SLC4A1: variants seen among roughly 807,000 people sequenced by gnomAD.
SLC4A1 encodes band 3 anion transport protein.
SLC4A1 carries 29 observed loss-of-function variants against 93.1 expected under a neutral mutation model. The ratio of observed to expected loss-of-function variants is 0.31; its 90% CI spans 0.23 to 0.42. The LOEUF (loss-of-function observed/expected upper bound fraction) is 0.42. Ranked by LOEUF, SLC4A1 falls within the 20% of genes least tolerant of loss-of-function variation. The pLI is 1.00. For synonymous variants in SLC4A1, 469 were observed against 497.2 expected (o/e 0.94, Z 0.76); for missense variants, 965 against 1,190.1 (o/e 0.81, Z 2.78).
intron 17 of SLC4A1, 104 bp downstream of exon 17, chr17:44,253,014 G>C (rs1021552024): frequency 3.3e-6 from 4 of 1,213,758 alleles, no homozygotes; most frequent in Admixed American, 3.5e-5. Context: ...GTGCAGGATG[G>C]GGGAGGCTGG....
At chr17:44,257,600 T>C (rs746955547) in intron 12 of SLC4A1, 56 bp from the exon 13 acceptor site, 80 of 1,611,766 alleles carry the variant, frequency 5.0e-5, no homozygotes, top group Non-Finnish European at 6.5e-5. Flanking sequence ...CAAGGCACCA[T>C]GCATCAGGCA....
intron 6 of SLC4A1, 133 bp downstream of exon 6, chr17:44,260,271 C>G: frequency 8.7e-7 from 1 of 1,146,000 alleles, no homozygotes; most frequent in Non-Finnish European, 1.3e-6. Flanking sequence ...GAGATGGGAG[C>G]CATAGTGGAG....
Position 44,254,471 on chromosome 17 carries a change from GCCCAGC to G in SLC4A1, c.2057+19_2057+24del. ...AGGTCCCTGCCTCCCACCCTCCCAG[GCCCAGC>G]CCCCACCCTGTCTCTCACGTGGTGA... On this transcript the variant is annotated intron_variant, in intron 16 of 19. Coordinates refer to ENST00000262418, the MANE Select transcript of SLC4A1 (RefSeq NM_000342.4). The G allele has an allele frequency of 1.3e-6, 2 of 1,507,946 alleles. No homozygotes were observed. The highest frequency in any genetic ancestry group is 9.2e-7 in the Non-Finnish European group (1 of 1,091,174). 93.4% of individuals were successfully genotyped at this position (1,507,946 alleles called of 1,614,324 possible). A position where few individuals can be genotyped will look rare whatever the true frequency, so the allele number is the denominator to read the frequency against.
chr17:44,258,724 G>T lies in SLC4A1; in HGVS notation c.877-101C>A, dbSNP rs539174939. ...CCAGGAACCAGAACCCCCTCAGGCA[G>T]CAGCTCCCATTGCCAGGAACTGCTT... On this transcript the variant is annotated intron_variant, in intron 9 of 19. Transcript: ENST00000262418. The surrounding 1 kb of genome is among the most constrained non-coding windows in gnomAD (Gnocchi z 6.1). 2 of 1,150,094 alleles carry T rather than the reference G, an allele frequency of 1.7e-6. No homozygotes were observed. 71.2% of individuals were successfully genotyped at this position (1,150,094 alleles called of 1,614,324 possible).
chr17:44,267,100 G>A (rs1344290937), intron 1 of SLC4A1, among the ~76,000 whole-genome samples: 1 of 152,178 alleles, frequency 6.6e-6, no homozygotes, highest in Non-Finnish European at 1.5e-5. Flanking sequence ...CACCCAGCAG[G>A]TAGGTATCAG....
chr17:44,253,970 C>CGTT (rs2047365692), intron 16 of SLC4A1, among the ~76,000 whole-genome samples: 3 of 87,068 alleles, frequency 3.4e-5, no homozygotes, highest in South Asian at 8.0e-4. Flanking sequence ...TCACCTGGCG[C>CGTT]TTTTTTTTTT....
chr17:44,263,865 G>A (rs547411101), intron 1 of SLC4A1, among the ~76,000 whole-genome samples: 8 of 151,314 alleles, frequency 5.3e-5, no homozygotes, highest in Non-Finnish European at 1.2e-4. Context: ...GAACTCCTGG[G>A]CCCCAGGGAT....
chr17:44,254,036 G>A (rs567771972), intron 16 of SLC4A1, among the ~76,000 whole-genome samples: 100 of 142,200 alleles, frequency 7.0e-4, no homozygotes, highest in Non-Finnish European at 1.2e-3. Context: ...GTGCAATGGC[G>A]AGATCTCGGC....
intron 7 of SLC4A1, 100 bp from the exon 8 acceptor site, chr17:44,259,681 AC>A: frequency 3.3e-6 from 5 of 1,527,402 alleles, no homozygotes; most frequent in Non-Finnish European, 4.5e-6. Flanking sequence ...CTCTCCTGGC[AC>A]CCCCCGGGCA....
rs887633016 is a variant in SLC4A1 at position 44,253,261 on chromosome 17, C to A, written c.2168G>T (p.Trp723Leu). 1.2e-6 allele frequency: 2 copies of A among 1,614,018 alleles called. No homozygotes were observed. The highest frequency in any genetic ancestry group is 8.5e-7 in the Non-Finnish European group (1 of 1,180,024). The change falls in exon 17 of 20, where the codon TGG (tryptophan) becomes TTG (leucine). Residue 723 changes from tryptophan (W) to leucine (L), a missense_variant. This residue lies in a region of SLC4A1 where 770 missense variants were observed against 1,006.6 expected (regional missense o/e 0.76). Transcript: ENST00000262418. ...GGAACGCACGGTGGTGGCACTGAGC[C>A]AGGGCATCCCAAAGAGGGCGGCCAC... The part of the protein sequence containing the change: ...GGVAALFGMP[W>L]LSATTVRSVT...
intron 3 of SLC4A1, 122 bp downstream of exon 3, chr17:44,262,513 AG>A: frequency 1.4e-6 from 1 of 713,158 alleles, no homozygotes. Flanking sequence ...GCCAGAATTG[AG>A]GGGAGAACGG....
chr17:44,251,733 T>TG lies in SLC4A1; in HGVS notation c.2312-146_2312-145insC, dbSNP rs2047343983. ...TCCTTTTCTTTTCTTTTTTTTTTTT[T>TG]TTTTTTGTTTTTTTTTTTGAGACAG... On this transcript the variant is annotated intron_variant, in intron 17 of 19. Transcript: ENST00000262418. 8 of 608,944 alleles carry TG rather than the reference T, an allele frequency of 1.3e-5. No individual in the cohort carries two copies. The East Asian group carries it at 1.9e-4, about 15-fold the overall frequency. 37.7% of individuals were successfully genotyped at this position (608,944 alleles called of 1,614,324 possible).
Position 44,254,576 on chromosome 17 carries a change from A to G in SLC4A1, c.1977T>C (p.Phe659=). The part of the protein sequence containing the change: ...VIHPLGLRSE[F]PIWMMFASAL... ...CGGAGGCAAACATCATCCAGATGGG[A>G]AACTCGGAACGCAAGCCCAGTGGGT... is the stretch of plus-strand genomic sequence containing the variant. The change falls in exon 16 of 20, where the codon TTT becomes TTC. Residue 659 remains phenylalanine, a synonymous_variant. Transcript: ENST00000262418. The G allele has an allele frequency of 1.9e-6, 3 of 1,614,072 alleles. No individual in the cohort carries two copies. The highest frequency in any genetic ancestry group is 2.5e-6 in the Non-Finnish European group (3 of 1,179,976).
At chr17:44,255,377 C>A in intron 14 of SLC4A1, 81 bp from the exon 15 acceptor site, 1 of 1,052,306 alleles carries the variant, frequency 9.5e-7, no homozygotes, top group South Asian at 1.4e-5. Flanking sequence ...TATTCACCCA[C>A]GGGGCCCTGC....
Position 44,258,550 on chromosome 17 carries a change from C to T in SLC4A1, c.950G>A (p.Cys317Tyr), listed in dbSNP as rs1206004419. Reference protein sequence around the residue: ...LLHSLEGFLDCSLVLPPTDAP... With the variant: ...LLHSLEGFLDYSLVLPPTDAP... ...ATCGGTGGGAGGCAGCACTAGGCTGCAGTCCAGGAAGCCCTCTAGGGAGTG... is the reference window on the plus strand; with the variant it reads ...ATCGGTGGGAGGCAGCACTAGGCTGTAGTCCAGGAAGCCCTCTAGGGAGTG... The change falls in exon 10 of 20, where the codon TGC becomes TAC. Residue 317 changes from cysteine to tyrosine, a missense_variant. Transcript: ENST00000262418. The surrounding 1 kb of genome is among the most constrained non-coding windows in gnomAD (Gnocchi z 6.1). The T allele has an allele frequency of 6.2e-7, 1 of 1,613,700 alleles. No homozygotes were observed. Among genetic ancestry groups the T allele is most frequent in the Non-Finnish European group, 8.5e-7 (1 of 1,179,872 alleles).
At chr17:44,252,599 A>T (rs1014969889) in intron 17 of SLC4A1, among the ~76,000 whole-genome samples, 2 of 151,896 alleles carry the variant, frequency 1.3e-5, no homozygotes, top group Non-Finnish European at 2.9e-5. Context: ...CCCACACCGA[A>T]CCCAGCTCGA....
chr17:44,263,059 G>T (rs2047461203), intron 1 of SLC4A1, 125 bp from the exon 2 acceptor site: 1 of 777,786 alleles, frequency 1.3e-6, no homozygotes, highest in African/African-American at 1.7e-5. Flanking sequence ...CCAGAGGAAG[G>T]AAGTGTGGAG....
chr17:44,250,205 G>A lies in SLC4A1; in HGVS notation c.*253C>T. ...TTCCAGCACGGGATCCCCAGTGAAAGTGTGGCAACAGGAGGGACTGTGCAA... is the reference window on the plus strand; with the variant it reads ...TTCCAGCACGGGATCCCCAGTGAAAATGTGGCAACAGGAGGGACTGTGCAA... On this transcript the variant is annotated 3_prime_UTR_variant, in exon 20 of 20. Transcript: ENST00000262418. 1 of 489,826 alleles carries A rather than the reference G, an allele frequency of 2.0e-6. No homozygotes were observed. The highest frequency in any genetic ancestry group is 3.3e-5 in the Admixed American group (1 of 30,510). 30.3% of individuals were successfully genotyped at this position (489,826 alleles called of 1,614,324 possible).
intron 19 of SLC4A1, 32 bp downstream of exon 19, chr17:44,251,127 C>G (rs1382771733): frequency 1.3e-6 from 2 of 1,569,212 alleles, no homozygotes; most frequent in South Asian, 2.3e-5. Flanking sequence ...ATGCTCCCAG[C>G]TCTTGTGCCC....
Sources: allele counts gnomAD v4.1 joint callset (sites outside exome capture counted in the v4.1 genomes callset), GRCh38; gene constraint gnomAD v4.1.1; regional missense constraint gnomAD v4.1.1; non-coding constraint Gnocchi (gnomAD v3.1); transcripts MANE v1.5; gene names NCBI Gene and HGNC (gene_info 2026-07-23, HGNC 2026-07-21).